Variants in KCTD1 observed in about 807,000 individuals in gnomAD.
KCTD1 encodes BTB/POZ domain-containing protein KCTD1.
A neutral mutation model predicts 66.0 loss-of-function variants in KCTD1; 24 were observed. The ratio of observed to expected loss-of-function variants is 0.36; its 90% CI spans 0.26 to 0.51. The LOEUF (loss-of-function observed/expected upper bound fraction) is 0.51. Among genes scored for constraint, KCTD1 ranks in the 20% least tolerant of loss-of-function variants. KCTD1 has a pLI of 0.95. For missense variants in KCTD1, 943 were observed against 1,205.2 expected (o/e 0.78, Z 3.22); for synonymous variants, 511 against 517.2 (o/e 0.99, Z 0.16).
intron 1 of KCTD1, among the ~76,000 whole-genome samples, chr18:26,527,658 G>C (rs1485294888): frequency 6.6e-6 from 1 of 152,150 alleles, no homozygotes; most frequent in Admixed American, 6.5e-5. Context: ...TATGGACCTT[G>C]AGTGATAACA....
At chr18:26,616,394 C>G (rs1987254448) in intron 1 of KCTD1, among the ~76,000 whole-genome samples, 1 of 151,608 alleles carries the variant, frequency 6.6e-6, no homozygotes, top group Non-Finnish European at 1.5e-5. Context: ...ATGCCTATTT[C>G]TTTTTTACTC....
At position 26,572,383 on chromosome 18, in the gene KCTD1, C is replaced by T. The variant is rs148513693; in HGVS notation, c.-16+56764G>A. Among the ~76,000 whole-genome samples the T allele has an allele frequency of 3.2e-3, 484 of 152,246 alleles. 1 individual carries two copies. The highest frequency in any genetic ancestry group is 5.7e-3 in the Non-Finnish European group (388 of 68,004). ...AAATTCTTGGCTGGCACCATTACAG[C>T]ATGACAAATGAGATTTCTTTCTGTG... On this transcript the variant is annotated intron_variant, in intron 1 of 4. Coordinates refer to the KCTD1 transcript ENST00000317932.
At chr18:26,574,131 TTTGA>T (rs1039440719) in intron 1 of KCTD1, among the ~76,000 whole-genome samples, 32 of 152,376 alleles carry the variant, frequency 2.1e-4, no homozygotes, top group African/African-American at 7.2e-4. Context: ...GAGCTCATAG[TTTGA>T]TTGTCTCTTA....
chr18:26,569,132 C>T lies in KCTD1; in HGVS notation c.-16+60015G>A, dbSNP rs540533014. Reference sequence around the variant, plus strand: ...TGTTAGAGGTTACAAAGCACTTTTACGTGTATTAGCTCATCAAAACTTCAC... The same window carrying T: ...TGTTAGAGGTTACAAAGCACTTTTATGTGTATTAGCTCATCAAAACTTCAC... On this transcript the variant is annotated intron_variant, in intron 1 of 4. Transcript: ENST00000317932. 7.9e-5 allele frequency among the ~76,000 whole-genome samples: 12 copies of T among 152,150 alleles called. No homozygotes were observed. In the South Asian group the frequency reaches 1.7e-3, roughly 21 times the overall value.
chr18:26,514,136 A>G (rs1454499143), intron 1 of KCTD1, among the ~76,000 whole-genome samples: 2 of 152,220 alleles, frequency 1.3e-5, no homozygotes, highest in South Asian at 4.1e-4. Flanking sequence ...TAGAACAGAG[A>G]AAAAATTTGT....
At chr18:26,501,336 G>A in intron 1 of KCTD1, 86 bp from the exon 2 acceptor site, 1 of 1,142,314 alleles carries the variant, frequency 8.8e-7, no homozygotes, top group Non-Finnish European at 1.2e-6. Flanking sequence ...ATAAACGAGT[G>A]ATTAACGATA....
chr18:26,496,865 A>G (rs558279769), intron 2 of KCTD1, among the ~76,000 whole-genome samples: 81 of 152,316 alleles, frequency 5.3e-4, no homozygotes, highest in African/African-American at 1.8e-3. Flanking sequence ...TGAAATAATC[A>G]TTGAGGAAGA....
chr18:26,519,399 A>C (rs897061806), intron 1 of KCTD1, among the ~76,000 whole-genome samples: 2 of 152,248 alleles, frequency 1.3e-5, no homozygotes, highest in African/African-American at 4.8e-5. Context: ...CCAGTATCTT[A>C]TGGAAAAATG....
intron 1 of KCTD1, chr18:26,565,620 G>A (rs1329830259): frequency 6.6e-6 from 1 of 152,056 alleles, no homozygotes; most frequent in Non-Finnish European, 1.5e-5. Flanking sequence ...TTTTCTGGAT[G>A]AATTAGACTG....
At chr18:26,527,492 A>AAAAAG (rs1555639037) in intron 1 of KCTD1, among the ~76,000 whole-genome samples, 64 of 109,498 alleles carry the variant, frequency 5.8e-4, no homozygotes, top group African/African-American at 2.0e-3. Context: ...CAAAAAAAAA[A>AAAAAG]GGGGGGGGGG....
At chr18:26,483,577 T>A (rs1355866133) in intron 2 of KCTD1, among the ~76,000 whole-genome samples, 1 of 152,246 alleles carries the variant, frequency 6.6e-6, no homozygotes, top group Non-Finnish European at 1.5e-5. Flanking sequence ...CCTGAGTATT[T>A]TTCTATTGAA....
chr18:26,472,721 A>C (rs1388048753), intron 3 of KCTD1, among the ~76,000 whole-genome samples: 1 of 152,234 alleles, frequency 6.6e-6, no homozygotes, highest in Non-Finnish European at 1.5e-5. Flanking sequence ...GTGGCCAGTC[A>C]CTGCTGGAAT....
At chr18:26,506,706 G>T (rs1440163544) in intron 1 of KCTD1, among the ~76,000 whole-genome samples, 1 of 152,142 alleles carries the variant, frequency 6.6e-6, no homozygotes, top group Non-Finnish European at 1.5e-5. Context: ...GAGGTAGAAA[G>T]GTTGGGAGCT....
At chr18:26,527,988 G>C (rs1430035893) in intron 1 of KCTD1, among the ~76,000 whole-genome samples, 1 of 152,012 alleles carries the variant, frequency 6.6e-6, no homozygotes, top group African/African-American at 2.4e-5. Context: ...TCTGCATACA[G>C]GCACTGCACT....
chr18:26,632,747 A>G (rs1987647524), upstream of KCTD1, among the ~76,000 whole-genome samples: 1 of 152,192 alleles, frequency 6.6e-6, no homozygotes, highest in South Asian at 2.1e-4. Flanking sequence ...GATATAATTA[A>G]TAATATAGCT....
At chr18:26,471,900 G>T (rs1215924562) in intron 3 of KCTD1, among the ~76,000 whole-genome samples, 1 of 152,210 alleles carries the variant, frequency 6.6e-6, no homozygotes, top group African/African-American at 2.4e-5. Flanking sequence ...CCAGAGAGCT[G>T]CTGGGCCTTG....
intron 1 of KCTD1, among the ~76,000 whole-genome samples, chr18:26,505,732 ATT>A (rs1490124014): frequency 6.6e-6 from 1 of 151,218 alleles, no homozygotes; most frequent in East Asian, 1.9e-4. Context: ...AACTAATAAC[ATT>A]TTTTTGTAGA....
At chr18:26,532,553 G>A (rs996394142) in intron 1 of KCTD1, among the ~76,000 whole-genome samples, 2 of 152,138 alleles carry the variant, frequency 1.3e-5, no homozygotes, top group Non-Finnish European at 2.9e-5. Context: ...CGTGAGTCAT[G>A]GCTCCCTGCT....
chr18:26,604,372 G>A (rs1986965416), intron 1 of KCTD1, among the ~76,000 whole-genome samples: 2 of 152,136 alleles, frequency 1.3e-5, no homozygotes, highest in South Asian at 2.1e-4. Context: ...AGAGCTAAAA[G>A]CAGAACTACC....
Sources: gnomAD v4.1 joint callset for allele counts (sites outside exome capture counted in the v4.1 genomes callset) on GRCh38, gnomAD v4.1.1 for gene constraint, MANE v1.5 for transcripts, NCBI Gene and HGNC (gene_info 2026-07-23, HGNC 2026-07-21) for gene names.